The following FNDC3A variants were observed in gnomAD, a reference collection of about 807,000 sequenced individuals.
FNDC3A encodes fibronectin type III domain containing 3A.
Under a neutral mutation model 148.9 loss-of-function variants are expected in FNDC3A, and 32 were observed. The observed-to-expected ratio is 0.21, with a 90% CI of 0.16 to 0.29. The LOEUF (loss-of-function observed/expected upper bound fraction) is 0.29, where lower values mean the gene tolerates loss of function less well. Among genes scored for constraint, FNDC3A ranks in the 10% least tolerant of loss-of-function variants. The pLI, the probability that FNDC3A is intolerant of heterozygous loss-of-function variation, is 1.00. For missense variants in FNDC3A, 1,191 were observed against 1,452.8 expected, an observed-to-expected ratio of 0.82 and a Z score of 2.93; for synonymous variants, 472 against 473.6, an observed-to-expected ratio of 1.00 and a Z score of 0.04.
At chr13:48,998,038 G>A (rs572274747) in intron 1 of FNDC3A, among the ~76,000 whole-genome samples, 1 of 152,084 alleles carries the variant, frequency 6.6e-6, no homozygotes, top group African/African-American at 2.4e-5. Flanking sequence ...TGAACAGAAT[G>A]TCATTTGAAA....
rs758976869 is a variant in FNDC3A at position 49,198,531 on chromosome 13, G to A, written c.2944G>A (p.Asp982Asn). 1.2e-5 allele frequency: 19 copies of A among 1,613,992 alleles called. No homozygotes were observed. In the East Asian group the frequency reaches 1.8e-4, roughly 15 times the overall value. Residue 982 changes from aspartate (D) to asparagine (N), a missense_variant, in exon 23 of 26, where the codon GAT becomes AAT. Around this residue, in one of 3 missense-constraint regions of FNDC3A, gnomAD observed 751 missense variants for 944.0 expected, o/e 0.80. Coordinates refer to ENST00000492622, the MANE Select transcript of FNDC3A (RefSeq NM_001079673.2). ...AGGAACTCCAAAGACATTGTCAACC[G>A]ATTCTATTCAGTACCACCTTCAGAT... ...GEGTPKTLST[D>N]SIQYHLQMED...
chr13:49,130,547 C>T (rs1240416918), intron 4 of FNDC3A, among the ~76,000 whole-genome samples: 1 of 152,014 alleles, frequency 6.6e-6, no homozygotes, highest in Non-Finnish European at 1.5e-5. Flanking sequence ...TCAGGAAATG[C>T]ACATAACACA....
intron 1 of FNDC3A, among the ~76,000 whole-genome samples, chr13:48,984,356 C>T (rs1195544447): frequency 2.0e-5 from 3 of 152,082 alleles, no homozygotes; most frequent in Non-Finnish European, 4.4e-5. Flanking sequence ...AGGGAGCATG[C>T]ACAAGAATGG....
intron 2 of FNDC3A, among the ~76,000 whole-genome samples, chr13:49,013,541 T>TGC (rs1952410030): frequency 1.3e-5 from 2 of 151,732 alleles, no homozygotes; most frequent in Non-Finnish European, 2.9e-5. Flanking sequence ...TATATACGTG[T>TGC]ACATGTGTAT....
chr13:49,123,078 T>G (rs1448995559), intron 4 of FNDC3A, among the ~76,000 whole-genome samples: 1 of 152,148 alleles, frequency 6.6e-6, no homozygotes, highest in South Asian at 2.1e-4. Context: ...GGAGACATCA[T>G]GCTGCCTGAC....
chr13:49,104,952 A>G (rs1464109390), intron 3 of FNDC3A, among the ~76,000 whole-genome samples: 1 of 152,226 alleles, frequency 6.6e-6, no homozygotes, highest in Non-Finnish European at 1.5e-5. Context: ...ATTTGACTCC[A>G]TTACAATTAA....
At chr13:49,000,516 TC>T (rs1302608415) in intron 1 of FNDC3A, among the ~76,000 whole-genome samples, 2 of 152,210 alleles carry the variant, frequency 1.3e-5, no homozygotes, top group Non-Finnish European at 2.9e-5. Flanking sequence ...GAAGTGTGAG[TC>T]CTTCAACTTT....
chr13:49,086,399 T>C (rs1335867766), intron 3 of FNDC3A, among the ~76,000 whole-genome samples: 1 of 152,228 alleles, frequency 6.6e-6, no homozygotes, highest in Non-Finnish European at 1.5e-5. Flanking sequence ...TAGGGCAATT[T>C]AGATTCTACA....
At chr13:49,089,969 A>G (rs964147032) in intron 3 of FNDC3A, among the ~76,000 whole-genome samples, 1 of 152,180 alleles carries the variant, frequency 6.6e-6, no homozygotes, top group Non-Finnish European at 1.5e-5. Context: ...CATAGGTTAT[A>G]CAAGTGGCCT....
Position 49,174,497 on chromosome 13 carries a change from T to C in FNDC3A, c.1293T>C (p.Thr431=), listed in dbSNP as rs1304023064. 4.3e-6 allele frequency: 7 copies of C among 1,612,676 alleles called. No homozygotes were observed. The highest frequency in any genetic ancestry group is 1.7e-5 in the Admixed American group (1 of 59,948). Residue 431 remains threonine (T), a synonymous_variant, in exon 12 of 26, where the codon ACT becomes ACC. Coordinates refer to ENST00000492622, the MANE Select transcript of FNDC3A (RefSeq NM_001079673.2). ...GCTCACAGAAACAATTTAAAATTAC[T>C]AAACTTTCACCAGCAATGGGCTGTA... ...YMGSQKQFKI[T]KLSPAMGCKF... is the part of the protein sequence containing the mutation.
intron 2 of FNDC3A, chr13:49,044,738 C>A: frequency 2.5e-6 from 1 of 395,574 alleles, no homozygotes; most frequent in Non-Finnish European, 5.0e-6. Context: ...CAAGATATAG[C>A]AATAGCTAAG....
rs573749208 is a variant in FNDC3A at position 49,012,679 on chromosome 13, G to A, written c.99+6390G>A. Among the ~76,000 whole-genome samples, 112 of 152,098 alleles carry A rather than the reference G, an allele frequency of 7.4e-4. 1 individual carries two copies. Among genetic ancestry groups the A allele is most frequent in the Non-Finnish European group, 1.4e-3 (96 of 68,008 alleles). On this transcript the variant is annotated intron_variant, in intron 2 of 25. Coordinates refer to ENST00000492622, the MANE Select transcript of FNDC3A (RefSeq NM_001079673.2). ...TTGAATTTTTCAATTGTTGAAGTTGGTGTATTCATGCATTTATGTAGGTTT... is the reference window on the plus strand; with the variant it reads ...TTGAATTTTTCAATTGTTGAAGTTGATGTATTCATGCATTTATGTAGGTTT...
chr13:48,976,732 AC>A (rs1321757850), intron 1 of FNDC3A: 2 of 151,980 alleles, frequency 1.3e-5, no homozygotes, highest in Non-Finnish European at 2.9e-5. Flanking sequence ...TGGGGTTAAA[AC>A]CTCGAAAACC....
intron 19 of FNDC3A, among the ~76,000 whole-genome samples, chr13:49,193,734 A>T (rs1383430983): frequency 2.6e-5 from 4 of 152,050 alleles, no homozygotes; most frequent in African/African-American, 9.7e-5. Flanking sequence ...AGCCTGACCG[A>T]CATGGTGAAA....
intron 2 of FNDC3A, among the ~76,000 whole-genome samples, chr13:49,032,691 G>A (rs1470533043): frequency 2.6e-5 from 4 of 151,828 alleles, no homozygotes; most frequent in Non-Finnish European, 4.4e-5. Flanking sequence ...AGCCGAGACC[G>A]CGCCACTGCA....
At chr13:49,079,180 G>A (rs1008804575) in intron 3 of FNDC3A, among the ~76,000 whole-genome samples, 3 of 152,140 alleles carry the variant, frequency 2.0e-5, no homozygotes, top group African/African-American at 4.8e-5. Context: ...TTTTTCTACT[G>A]TATAGCATAC....
chr13:48,999,417 A>G (rs1238143237), intron 1 of FNDC3A, among the ~76,000 whole-genome samples: 2 of 152,152 alleles, frequency 1.3e-5, no homozygotes, highest in East Asian at 3.8e-4. Flanking sequence ...AATACATAAC[A>G]TATCTGGTTT....
At chr13:49,059,429 A>G (rs1876492237) in intron 2 of FNDC3A, among the ~76,000 whole-genome samples, 1 of 152,170 alleles carries the variant, frequency 6.6e-6, no homozygotes, top group Admixed American at 6.5e-5. Flanking sequence ...AAGACAGTCT[A>G]TAGAATGATA....
chr13:48,983,965 C>G (rs1182637399), intron 1 of FNDC3A, among the ~76,000 whole-genome samples: 1 of 151,816 alleles, frequency 6.6e-6, no homozygotes, highest in Non-Finnish European at 1.5e-5. Flanking sequence ...AAATATAATA[C>G]AAATACAAAT....
Sources: gnomAD v4.1 joint callset for allele counts (sites outside exome capture counted in the v4.1 genomes callset) on GRCh38, gnomAD v4.1.1 for gene constraint, gnomAD v4.1.1 regional missense constraint, MANE v1.5 for transcripts, NCBI Gene and HGNC (gene_info 2026-07-23, HGNC 2026-07-21) for gene names.